The following PCDHGB1 variants were observed in gnomAD, a reference collection of about 807,000 sequenced individuals.
The protein encoded by PCDHGB1 is protocadherin gamma subfamily B, 1, also known as protocadherin gamma-B1.
In PCDHGB1, 34 loss-of-function variants were observed where a neutral mutation model predicts 56.6. The ratio of observed to expected loss-of-function variants is 0.60; its 90% CI spans 0.46 to 0.80. PCDHGB1 has a LOEUF of 0.80. Ranked by LOEUF, PCDHGB1 falls within the 30% of genes least tolerant of loss-of-function variation. PCDHGB1 has a pLI of 0.00. For synonymous variants in PCDHGB1, 561 were observed against 505.9 expected, an observed-to-expected ratio of 1.11 and a Z score of -1.46; for missense variants, 1,278 against 1,204.6, an observed-to-expected ratio of 1.06 and a Z score of -0.90.
rs373867677 is a variant in PCDHGB1 at position 141,432,049 on chromosome 5, G to A, written c.2410-62758G>A. The A allele has an allele frequency of 2.0e-5, 32 of 1,614,150 alleles. No individual in the cohort carries two copies. In the African/African-American group the frequency reaches 4.1e-4, roughly 21 times the overall value. ...TGACCGCCACTGACCGGGGAACCCC[G>A]CCCCTATCCACGGAAACTCATATCT... On this transcript the variant is annotated intron_variant, in intron 1 of 3. Coordinates refer to ENST00000523390, the MANE Select transcript of PCDHGB1 (RefSeq NM_018922.3). The surrounding 1 kb of genome is among the most constrained non-coding windows in gnomAD (Gnocchi z 6.0).
In PCDHGB1 at chr5:141,511,067, C is replaced by T. The variant is rs760786015; in HGVS notation, c.2678C>T (p.Pro893Leu). The change falls in exon 4 of 4, where the codon CCA (proline) becomes CTA (leucine). Residue 893 changes from proline (P) to leucine (L), a missense_variant. Pro to Leu is a moderately conservative substitution (Grantham distance 98). Coordinates refer to ENST00000523390, the MANE Select transcript of PCDHGB1 (RefSeq NM_018922.3). ...VPDYRQNVYI[P>L]GSNATLTNAA... ...GACTACCGCCAGAATGTCTACATCC[C>T]AGGCAGCAATGCCACACTGACCAAC... 7.4e-6 allele frequency: 12 copies of T among 1,614,136 alleles called. No homozygotes were observed. Among genetic ancestry groups the T allele is most frequent in the African/African-American group, 1.3e-5 (1 of 74,942 alleles).
Position 141,351,977 on chromosome 5 carries a change from A to G in PCDHGB1, c.1717A>G (p.Met573Val), listed in dbSNP as rs531004822. 39 of 1,612,178 alleles carry G rather than the reference A, an allele frequency of 2.4e-5. No homozygotes were observed. The South Asian group carries it at 3.5e-4, about 15-fold the overall frequency. ...GCCTGATGGCTCCGCCCTCTTCGAT[A>G]TGGTGCCACGCGCCGCAGAGCCCGG... ...LGPDGSALFD[M>V]VPRAAEPGYL... Residue 573 changes from methionine to valine, a missense_variant, in exon 1 of 4, where the codon ATG (methionine) becomes GTG (valine). Met to Val is a conservative substitution (Grantham distance 21). Coordinates refer to ENST00000523390, the MANE Select transcript of PCDHGB1 (RefSeq NM_018922.3).
At chr5:141,444,788 G>T (rs775248284) in intron 1 of PCDHGB1, among the ~76,000 whole-genome samples, 59 of 151,920 alleles carry the variant, frequency 3.9e-4, no homozygotes, top group Non-Finnish European at 5.7e-4. Context: ...TGTTTCATTT[G>T]TCTATTCTTT....
chr5:141,358,755 C>A (rs926855640), intron 1 of PCDHGB1, among the ~76,000 whole-genome samples: 2 of 152,168 alleles, frequency 1.3e-5, no homozygotes, highest in African/African-American at 2.4e-5. Context: ...CTCTTGTCAT[C>A]ATGTGAGCCT....
intron 1 of PCDHGB1, chr5:141,374,296 G>C (rs779933812): frequency 6.2e-7 from 1 of 1,613,974 alleles, no homozygotes; most frequent in Non-Finnish European, 8.5e-7. Flanking sequence ...CCAGAGGTAG[G>C]ATGCAGCTTT....
chr5:141,354,055 T>C (rs1040476692), intron 1 of PCDHGB1, among the ~76,000 whole-genome samples: 21 of 152,198 alleles, frequency 1.4e-4, no homozygotes, highest in African/African-American at 4.3e-4. Context: ...GCAATGATAA[T>C]CCATGTTCGG....
chr5:141,416,990 A>C (rs912916110), intron 1 of PCDHGB1: 20 of 151,946 alleles, frequency 1.3e-4, no homozygotes, highest in African/African-American at 4.1e-4. Flanking sequence ...ATTATTGTGC[A>C]TTCATCTCAA....
intron 3 of PCDHGB1, among the ~76,000 whole-genome samples, chr5:141,509,685 A>G (rs923641083): frequency 6.6e-6 from 1 of 152,166 alleles, no homozygotes. Flanking sequence ...TCTTCTGTAC[A>G]GTGGGACGTT....
chr5:141,416,096 T>C (rs2095991930), intron 1 of PCDHGB1: 1 of 161,152 alleles, frequency 6.2e-6, no homozygotes, highest in South Asian at 2.0e-4. Flanking sequence ...AGAAGGGCAA[T>C]AGGCCTTTTT....
At position 141,505,413 on chromosome 5, in the gene PCDHGB1, C is replaced by A; in HGVS notation, c.2489C>A (p.Thr830Asn). ...CCCAGCTCCCAAAATGGCGATGACACCGGCACCTGGCCCAACAACCAGTTT... is the reference window on the plus strand; with the variant it reads ...CCCAGCTCCCAAAATGGCGATGACAACGGCACCTGGCCCAACAACCAGTTT... ...GTSGSQNGDD[T>N]GTWPNNQFDT... Residue 830 changes from threonine to asparagine, a missense_variant, in exon 3 of 4, where the codon ACC becomes AAC. Physicochemically the swap from Thr to Asn is moderately conservative, Grantham distance 65 (BLOSUM62 0). Coordinates refer to ENST00000523390, the MANE Select transcript of PCDHGB1 (RefSeq NM_018922.3). 1 of 1,614,202 alleles carries A rather than the reference C, an allele frequency of 6.2e-7. No homozygotes were observed. Among genetic ancestry groups the A allele is most frequent in the Non-Finnish European group, 8.5e-7 (1 of 1,180,046 alleles).
intron 1 of PCDHGB1, chr5:141,373,932 C>A: frequency 2.9e-6 from 2 of 688,010 alleles, no homozygotes; most frequent in Non-Finnish European, 4.5e-6. Context: ...GACGGGAAAG[C>A]AGGAAAGCTG....
chr5:141,427,751 C>T (rs778043340), intron 1 of PCDHGB1: 1 of 1,306,072 alleles, frequency 7.7e-7, no homozygotes, highest in South Asian at 1.2e-5. Flanking sequence ...CCTACTCCAT[C>T]GTTACCACTG....
At chr5:141,375,843 T>A (rs762152746) in intron 1 of PCDHGB1, 20 of 1,613,928 alleles carry the variant, frequency 1.2e-5, no homozygotes, top group Non-Finnish European at 1.6e-5. Context: ...CCCGGCTACC[T>A]GGTGACCAAG....
intron 1 of PCDHGB1, chr5:141,398,010 G>A: frequency 7.1e-7 from 1 of 1,408,980 alleles, no homozygotes; most frequent in South Asian, 1.5e-5. Context: ...AAAAAGAATC[G>A]TTTCCTAAAC....
At chr5:141,388,348 G>A in intron 1 of PCDHGB1, 1 of 1,613,974 alleles carries the variant, frequency 6.2e-7, no homozygotes, top group South Asian at 1.1e-5. Flanking sequence ...TTTATATTAG[G>A]ATCTGCCCAT....
chr5:141,355,284 C>G (rs548905369), intron 1 of PCDHGB1: 1 of 1,613,732 alleles, frequency 6.2e-7, no homozygotes, highest in East Asian at 2.2e-5. Context: ...AAATCAGGGC[C>G]GAACAGATTC....
At chr5:141,441,793 C>T (rs961624726) in intron 1 of PCDHGB1, 7 of 391,390 alleles carry the variant, frequency 1.8e-5, no homozygotes, top group Non-Finnish European at 3.6e-5. Flanking sequence ...AATGACAACG[C>T]ACCGCGGGTG....
intron 1 of PCDHGB1, among the ~76,000 whole-genome samples, chr5:141,353,829 C>T (rs1366224515): frequency 6.6e-6 from 1 of 152,152 alleles, no homozygotes; most frequent in Non-Finnish European, 1.5e-5. Flanking sequence ...GCAGTTTGTG[C>T]GGTCTTTGAG....
chr5:141,401,508 C>G (rs2094162050), intron 1 of PCDHGB1, among the ~76,000 whole-genome samples: 1 of 152,302 alleles, frequency 6.6e-6, no homozygotes, highest in East Asian at 1.9e-4. Flanking sequence ...TTTTCCACCT[C>G]TATATAATTA....
Sources: gnomAD v4.1 joint callset for allele counts (sites outside exome capture counted in the v4.1 genomes callset) on GRCh38, gnomAD v4.1.1 for gene constraint, Gnocchi (gnomAD v3.1) non-coding constraint, MANE v1.5 for transcripts, NCBI Gene and HGNC (gene_info 2026-07-23, HGNC 2026-07-21) for gene names.